Variants in OSBPL8 observed in about 807,000 individuals in gnomAD.
OSBPL8 encodes oxysterol-binding protein-related protein 8.
A neutral mutation model predicts 125.5 loss-of-function variants in OSBPL8; 59 were observed. The ratio of observed to expected loss-of-function variants is 0.47; its 90% CI spans 0.38 to 0.58. The LOEUF (loss-of-function observed/expected upper bound fraction) is 0.58. OSBPL8 is among the 20% of genes least tolerant of loss of function. The probability of loss-of-function intolerance (pLI) is 0.00; values close to 1 mark genes in which losing one functional copy is unlikely to be tolerated. For synonymous variants in OSBPL8, 330 were observed against 338.9 expected (o/e 0.97, Z 0.29); for missense variants, 758 against 1,047.8 (o/e 0.72, Z 3.82).
At chr12:76,386,092 C>T in intron 14 of OSBPL8, 76 bp downstream of exon 14, 1 of 1,517,816 alleles carries the variant, frequency 6.6e-7, no homozygotes, top group East Asian at 2.4e-5. Flanking sequence ...ATTGAGTTTA[C>T]TGGGTAAATA....
intron 2 of OSBPL8, among the ~76,000 whole-genome samples, chr12:76,485,186 G>A (rs1465771620): frequency 6.6e-6 from 1 of 151,922 alleles, no homozygotes; most frequent in East Asian, 1.9e-4. Context: ...GCCTCCCAAA[G>A]TGCTGGGATT....
intron 2 of OSBPL8, among the ~76,000 whole-genome samples, chr12:76,467,644 C>T (rs1875619637): frequency 6.6e-6 from 1 of 152,028 alleles, no homozygotes; most frequent in Admixed American, 6.6e-5. Context: ...CTCTATGGTG[C>T]CTATTTCACA....
At chr12:76,515,558 A>T (rs1028410177) in intron 1 of OSBPL8, among the ~76,000 whole-genome samples, 2 of 152,034 alleles carry the variant, frequency 1.3e-5, no homozygotes, top group African/African-American at 4.8e-5. Context: ...CCCTCTCAAC[A>T]CTCTGAAAGT....
intron 1 of OSBPL8, among the ~76,000 whole-genome samples, chr12:76,556,757 G>A (rs904403503): frequency 4.6e-5 from 7 of 152,118 alleles, no homozygotes; most frequent in Non-Finnish European, 2.9e-5. Flanking sequence ...TCTGTCTCCT[G>A]GGTTCATGCG....
At chr12:76,386,294 A>C in intron 13 of OSBPL8, 28 bp from the exon 14 acceptor site, 1 of 1,577,606 alleles carries the variant, frequency 6.3e-7, no homozygotes, top group Non-Finnish European at 8.6e-7. Context: ...AAGCAATTTC[A>C]AATTACAAAT....
intron 1 of OSBPL8, among the ~76,000 whole-genome samples, chr12:76,514,816 A>C (rs1881369546): frequency 6.6e-6 from 1 of 152,204 alleles, no homozygotes; most frequent in African/African-American, 2.4e-5. Context: ...GCCTCTTTAC[A>C]TAATCCCATA....
At chr12:76,476,592 A>C (rs1187153478) in intron 2 of OSBPL8, among the ~76,000 whole-genome samples, 4 of 152,198 alleles carry the variant, frequency 2.6e-5, no homozygotes, top group African/African-American at 9.6e-5. Flanking sequence ...AAAAGAAGTC[A>C]TCAGGAAGAA....
intron 2 of OSBPL8, among the ~76,000 whole-genome samples, chr12:76,483,528 C>T (rs1431036697): frequency 6.6e-6 from 1 of 151,888 alleles, no homozygotes; most frequent in Admixed American, 6.6e-5. Context: ...CATGCCACTG[C>T]ACTCCAACCT....
At chr12:76,401,304 A>G (rs563505120) in intron 6 of OSBPL8, among the ~76,000 whole-genome samples, 2 of 152,214 alleles carry the variant, frequency 1.3e-5, no homozygotes, top group Non-Finnish European at 2.9e-5. Context: ...AGGTCCCCCA[A>G]TAAACATTTT....
At chr12:76,496,319 G>A (rs1879263863) in intron 1 of OSBPL8, among the ~76,000 whole-genome samples, 1 of 151,304 alleles carries the variant, frequency 6.6e-6, no homozygotes, top group Admixed American at 6.6e-5. Flanking sequence ...TTTTCCTCAA[G>A]TATCTGGTGA....
Position 76,369,305 on chromosome 12 carries a change from C to T in OSBPL8, c.2241-4G>A, listed in dbSNP as rs1459884442. On this transcript the variant is annotated splice_region_variant and splice_polypyrimidine_tract_variant and intron_variant, in intron 20 of 23. Coordinates refer to ENST00000261183, the MANE Select transcript of OSBPL8 (RefSeq NM_020841.5). ...AAGTGGGTCCCATGGTCGGGTACTA[C>T]ATAAATGAAAAAAAAAAAAACCATT... 1.3e-6 allele frequency: 2 copies of T among 1,511,488 alleles called. No homozygotes were observed. The highest frequency in any genetic ancestry group is 1.8e-6 in the Non-Finnish European group (2 of 1,136,840). The allele number at this position is 1,511,488 out of a possible 1,614,324, so 93.6% of individuals were successfully genotyped here. A position where few individuals can be genotyped will look rare whatever the true frequency, so the allele number is the denominator to read the frequency against.
chr12:76,500,089 A>T lies in OSBPL8; in HGVS notation c.-67-12471T>A, dbSNP rs138768087. On this transcript the variant is annotated intron_variant, in intron 1 of 23. Transcript: ENST00000261183. Reference sequence around the variant, plus strand: ...TACCTAGTTTTATAATCTAATGCACAGAAGTGATCATGTCGACTTAATATC... The same window carrying T: ...TACCTAGTTTTATAATCTAATGCACTGAAGTGATCATGTCGACTTAATATC... Among the ~76,000 whole-genome samples, 997 of 152,364 alleles carry T rather than the reference A, an allele frequency of 6.5e-3. 6 individuals are homozygous for T. Among genetic ancestry groups the T allele is most frequent in the Middle Eastern group, 0.037 (11 of 294 alleles).
chr12:76,541,012 G>T (rs1037723032), intron 1 of OSBPL8, among the ~76,000 whole-genome samples: 6 of 152,086 alleles, frequency 3.9e-5, no homozygotes, highest in African/African-American at 7.2e-5. Context: ...TCTCAGGGTA[G>T]ACCAAAAAGA....
At chr12:76,494,275 C>T (rs539676792) in intron 1 of OSBPL8, among the ~76,000 whole-genome samples, 48 of 152,146 alleles carry the variant, frequency 3.2e-4, no homozygotes, top group African/African-American at 1.1e-3. Flanking sequence ...CTCTTTCAGA[C>T]TTTATAGTGG....
At chr12:76,395,381 A>G (rs922795532) in intron 8 of OSBPL8, among the ~76,000 whole-genome samples, 1 of 152,238 alleles carries the variant, frequency 6.6e-6, no homozygotes, top group African/African-American at 2.4e-5. Context: ...CTGAATTTAA[A>G]GTATAATTTT....
chr12:76,552,824 C>T (rs1377126250), intron 1 of OSBPL8, among the ~76,000 whole-genome samples: 1 of 152,138 alleles, frequency 6.6e-6, no homozygotes, highest in Admixed American at 6.5e-5. Context: ...GCTATTCTGC[C>T]TCTCCAGATT....
chr12:76,493,538 AAATAT>A (rs1177244876), intron 1 of OSBPL8, among the ~76,000 whole-genome samples: 1 of 152,176 alleles, frequency 6.6e-6, no homozygotes, highest in East Asian at 1.9e-4. Flanking sequence ...CACTTTAAAT[AAATAT>A]ATTATTCTAT....
intron 12 of OSBPL8, among the ~76,000 whole-genome samples, chr12:76,389,356 T>G (rs1318915160): frequency 6.6e-6 from 1 of 152,202 alleles, no homozygotes; most frequent in Admixed American, 6.5e-5. Flanking sequence ...TCTGTTAGGT[T>G]AGTGAACTGA....
At chr12:76,379,082 C>T (rs571202617) in intron 15 of OSBPL8, among the ~76,000 whole-genome samples, 10 of 152,172 alleles carry the variant, frequency 6.6e-5, no homozygotes, top group Admixed American at 4.6e-4. Flanking sequence ...CCACTGCACC[C>T]GGCCTGTTTT....
Sources: gnomAD v4.1 joint callset for allele counts (sites outside exome capture counted in the v4.1 genomes callset) on GRCh38, gnomAD v4.1.1 for gene constraint, MANE v1.5 for transcripts, NCBI Gene and HGNC (gene_info 2026-07-23, HGNC 2026-07-21) for gene names.